Variants in LYPD8 observed in about 807,000 individuals in gnomAD.
The protein encoded by LYPD8 is ly6/PLAUR domain-containing protein 8.
Under a neutral mutation model 1.7 loss-of-function variants are expected in LYPD8, and 8 were observed. The ratio of observed to expected loss-of-function variants is 4.58; its 90% CI spans 2.69 to 8.27. The LOEUF is 8.27. Ranked by LOEUF, LYPD8 falls within the 30% of genes most tolerant of loss-of-function variation. The probability of loss-of-function intolerance (pLI) is 0.00; values close to 1 mark genes in which losing one functional copy is unlikely to be tolerated. For synonymous variants in LYPD8, 50 were observed against 43.6 expected (o/e 1.15, Z -0.58); for missense variants, 112 against 102.3 (o/e 1.09, Z -0.41).
intron 2 of LYPD8, among the ~76,000 whole-genome samples, chr1:248,752,178 T>G (rs921536021): frequency 6.6e-6 from 1 of 152,028 alleles, no homozygotes; most frequent in African/African-American, 2.4e-5. Flanking sequence ...TTCCCAATGC[T>G]CAGGAGCCAC....
At chr1:248,750,138 G>A (rs1329734779) in intron 4 of LYPD8, among the ~76,000 whole-genome samples, 1 of 152,198 alleles carries the variant, frequency 6.6e-6, no homozygotes, top group Non-Finnish European at 1.5e-5. Flanking sequence ...GGGAGGTCTT[G>A]AATGAAGGAA....
intron 2 of LYPD8, among the ~76,000 whole-genome samples, chr1:248,754,620 A>G (rs1662893957): frequency 6.6e-6 from 1 of 151,822 alleles, no homozygotes; most frequent in Non-Finnish European, 1.5e-5. Context: ...TACACAATAC[A>G]CAAACCACAC....
intron 4 of LYPD8, 99 bp downstream of exon 4, chr1:248,750,425 C>T (rs1338052957): frequency 6.3e-5 from 25 of 396,642 alleles, no homozygotes; most frequent in Middle Eastern, 1.3e-3. Context: ...TTGGACAGCA[C>T]GACCCCTTCT....
chr1:248,753,004 C>CACACAAACA (rs1662843418), intron 2 of LYPD8, among the ~76,000 whole-genome samples: 1 of 11,142 alleles, frequency 9.0e-5, no homozygotes, highest in Non-Finnish European at 3.1e-4. Context: ...CACAAACACA[C>CACACAAACA]CACATCATAC....
chr1:248,748,602 G>A (rs1178202360), intron 4 of LYPD8, 149 bp from the exon 5 acceptor site: 3 of 394,088 alleles, frequency 7.6e-6, no homozygotes, highest in African/African-American at 2.1e-5. Flanking sequence ...GGGTTTTCCG[G>A]AAAAAATAAT....
intron 2 of LYPD8, among the ~76,000 whole-genome samples, chr1:248,751,908 C>T (rs1463357937): frequency 6.6e-6 from 1 of 152,152 alleles, no homozygotes; most frequent in Non-Finnish European, 1.5e-5. Flanking sequence ...CATTCCCTGC[C>T]TGCAGATTCT....
intron 2 of LYPD8, among the ~76,000 whole-genome samples, chr1:248,753,949 A>G (rs1422231546): frequency 8.2e-6 from 1 of 122,670 alleles, no homozygotes; most frequent in Non-Finnish European, 1.7e-5. Context: ...ATAACATCAC[A>G]TGTCACACAC....
At position 248,739,991 on chromosome 1, in the gene LYPD8, G is replaced by T. The variant is rs567425573; in HGVS notation, c.476-142C>A. 1 of 1,076,144 alleles carries T rather than the reference G, an allele frequency of 9.3e-7. No homozygotes were observed. The highest frequency in any genetic ancestry group is 1.6e-5 in the South Asian group (1 of 64,100). The allele number at this position is 1,076,144 out of a possible 1,614,324, so 66.7% of individuals were successfully genotyped here. ...GCTCCTGAAGCCCAGGCAGGAAGAA[G>T]GAGCCTGCGTGTTCAGAGTCAAGAA... On this transcript the variant is annotated intron_variant, in intron 6 of 6. Coordinates refer to ENST00000590317, the MANE Select transcript of LYPD8 (RefSeq NM_001085474.2). This position sits in a 1 kb window ranked among gnomAD's most constrained non-coding sequence, Gnocchi z 4.3.
chr1:248,746,688 C>CCAG (rs1461330170), intron 5 of LYPD8, among the ~76,000 whole-genome samples: 2 of 19,728 alleles, frequency 1.0e-4, no homozygotes, highest in Non-Finnish European at 2.6e-4. Context: ...GCCCGCACGG[C>CCAG]CAGCACCCAC....
chr1:248,745,685 A>T (rs1178063774), intron 5 of LYPD8, among the ~76,000 whole-genome samples: 2 of 152,202 alleles, frequency 1.3e-5, no homozygotes, highest in Non-Finnish European at 2.9e-5. Flanking sequence ...AGAAGAAAAA[A>T]ATTTACAATG....
intron 2 of LYPD8, among the ~76,000 whole-genome samples, chr1:248,752,378 T>G (rs999648168): frequency 0.11 from 16,303 of 151,880 alleles, 1,219 homozygotes; most frequent in East Asian, 0.27. Context: ...CAGTGCTCTA[T>G]TCCAGGTCCT....
intron 4 of LYPD8, among the ~76,000 whole-genome samples, chr1:248,749,582 G>A (rs955333827): frequency 6.6e-6 from 1 of 152,178 alleles, no homozygotes; most frequent in Admixed American, 6.5e-5. Flanking sequence ...GAGCAAGTGA[G>A]GGAAAGAGGG....
intron 2 of LYPD8, among the ~76,000 whole-genome samples, chr1:248,754,197 A>G (rs1184836005): frequency 6.7e-6 from 1 of 148,626 alleles, no homozygotes; most frequent in Non-Finnish European, 1.5e-5. Context: ...AACACACACA[A>G]CACACATTAA....
At chr1:248,750,914 TCATCCCTGAC>T (rs1263749708) in intron 3 of LYPD8, 106 bp downstream of exon 3, 1 of 398,376 alleles carries the variant, frequency 2.5e-6, no homozygotes, top group South Asian at 1.3e-4. Flanking sequence ...GGTCTCATGG[TCATCCCTGAC>T]CATAATTTGA....
chr1:248,752,839 C>A (rs1468386293), intron 2 of LYPD8, among the ~76,000 whole-genome samples: 150 of 96,314 alleles, frequency 1.6e-3, no homozygotes, highest in African/African-American at 8.1e-3. Context: ...ACACCACACC[C>A]CACACACACA....
At chr1:248,754,571 A>T (rs1264877994) in intron 2 of LYPD8, among the ~76,000 whole-genome samples, 1 of 151,794 alleles carries the variant, frequency 6.6e-6, no homozygotes, top group African/African-American at 2.4e-5. Flanking sequence ...CATGCCATTT[A>T]TACCACATGC....
chr1:248,753,850 C>G (rs1440560099), intron 2 of LYPD8, among the ~76,000 whole-genome samples: 1 of 149,356 alleles, frequency 6.7e-6, no homozygotes, highest in African/African-American at 2.5e-5. Context: ...ACACACATCA[C>G]ATGACACATA....
intron 6 of LYPD8, among the ~76,000 whole-genome samples, chr1:248,742,246 GC>G (rs1490034473): frequency 1.9e-4 from 25 of 130,986 alleles, no homozygotes; most frequent in African/African-American, 2.4e-4. Flanking sequence ...GATGTTGGCA[GC>G]CGGGGGAGGT....
chr1:248,753,287 ACACACCACACACACC>A (rs1662858807), intron 2 of LYPD8, among the ~76,000 whole-genome samples: 1 of 107,696 alleles, frequency 9.3e-6, no homozygotes, highest in East Asian at 3.6e-4. Flanking sequence ...CACAACACAC[ACACACCACACACACC>A]ACACACCCCA....
Sources: allele counts gnomAD v4.1 joint callset (sites outside exome capture counted in the v4.1 genomes callset), GRCh38; gene constraint gnomAD v4.1.1; non-coding constraint Gnocchi (gnomAD v3.1); transcripts MANE v1.5; gene names NCBI Gene and HGNC (gene_info 2026-07-23, HGNC 2026-07-21).